The following GABRA3 variants were observed in gnomAD, a reference collection of about 807,000 sequenced individuals.
GABRA3 encodes gamma-aminobutyric acid receptor subunit alpha-3.
In GABRA3, 10 loss-of-function variants were observed where a neutral mutation model predicts 30.1. The observed-to-expected ratio is 0.33, with a 90% CI of 0.20 to 0.56. The LOEUF is 0.56. Among genes scored for constraint, GABRA3 ranks in the 20% least tolerant of loss-of-function variants. The pLI is 0.89. For synonymous variants in GABRA3, 151 were observed against 146.8 expected (o/e 1.03, Z -0.21); for missense variants, 233 against 392.0 (o/e 0.59, Z 3.42).
intron 3 of GABRA3, among the ~76,000 whole-genome samples, chrX:152,317,042 G>A (rs748117947): frequency 4.5e-5 from 5 of 111,853 alleles, no homozygotes; most frequent in African/African-American, 1.6e-4. Context: ...TGGCCTGCAT[G>A]CTCCACTTAA....
At chrX:152,272,289 C>A (rs898981948) in intron 4 of GABRA3, among the ~76,000 whole-genome samples, 1 of 112,427 alleles carries the variant, frequency 8.9e-6, no homozygotes, top group Non-Finnish European at 1.9e-5. Context: ...GAGCCCACCT[C>A]TTGCATCGGC....
chrX:152,179,335 A>G (rs912337447), intron 9 of GABRA3, among the ~76,000 whole-genome samples: 1 of 110,867 alleles, frequency 9.0e-6, no homozygotes, highest in Non-Finnish European at 1.9e-5. Flanking sequence ...GCAGTTTTCA[A>G]GAATACAGAA....
chrX:152,315,540 G>A (rs180801054), intron 3 of GABRA3, among the ~76,000 whole-genome samples: 17 of 111,414 alleles, frequency 1.5e-4, no homozygotes, highest in Admixed American at 1.4e-3. Flanking sequence ...GTGCAGATTC[G>A]ACAGGTGAGG....
Position 152,364,361 on chromosome X carries a change from A to T in GABRA3, c.140+70T>A. 2.8e-6 allele frequency: 3 copies of T among 1,055,868 alleles called. No homozygotes were observed. The South Asian group carries it at 6.7e-5, about 23-fold the overall frequency. The allele number at this position is 1,055,868 out of a possible 1,213,427, so 87.0% of individuals were successfully genotyped here. A position where few individuals can be genotyped will look rare whatever the true frequency, so the allele number is the denominator to read the frequency against. ...TACTTGGGTTCATCTGGGGGAAAACATCAGAAGTTTTGGTCTGAGGCAAAC... is the reference window on the plus strand; with the variant it reads ...TACTTGGGTTCATCTGGGGGAAAACTTCAGAAGTTTTGGTCTGAGGCAAAC... On this transcript the variant is annotated intron_variant, in intron 2 of 9. Coordinates refer to ENST00000370314, the MANE Select transcript of GABRA3 (RefSeq NM_000808.4).
At chrX:152,184,515 T>C (rs1239220300) in intron 9 of GABRA3, among the ~76,000 whole-genome samples, 1 of 111,465 alleles carries the variant, frequency 9.0e-6, no homozygotes, top group Non-Finnish European at 1.9e-5. Context: ...TGCTGTTTTT[T>C]CCTGGAGAGT....
chrX:152,424,611 C>T (rs987002319), intron 1 of GABRA3, among the ~76,000 whole-genome samples: 1 of 111,203 alleles, frequency 9.0e-6, no homozygotes, highest in African/African-American at 3.3e-5. Flanking sequence ...CAAAACTTAA[C>T]ATTGTACATC....
chrX:152,405,985 G>C (rs1929925580), intron 1 of GABRA3, among the ~76,000 whole-genome samples: 1 of 110,626 alleles, frequency 9.0e-6, no homozygotes, highest in Non-Finnish European at 1.9e-5. Flanking sequence ...CTAATTAATG[G>C]AAAGAGAGGG....
intron 3 of GABRA3, among the ~76,000 whole-genome samples, chrX:152,343,509 A>G (rs778079527): frequency 3.6e-5 from 4 of 109,804 alleles, no homozygotes; most frequent in Non-Finnish European, 7.6e-5. Context: ...TATTTTAGAA[A>G]ATAGCACCAC....
chrX:152,376,460 C>G (rs1929000613), intron 1 of GABRA3, among the ~76,000 whole-genome samples: 1 of 110,891 alleles, frequency 9.0e-6, no homozygotes, highest in Non-Finnish European at 1.9e-5. Context: ...GGTGAACCTT[C>G]CCTATCTTAG....
chrX:152,440,482 CTAGAAA>C (rs1930896202), intron 1 of GABRA3, among the ~76,000 whole-genome samples: 1 of 112,052 alleles, frequency 8.9e-6, no homozygotes, highest in African/African-American at 3.2e-5. Flanking sequence ...TGATCTCGAA[CTAGAAA>C]TACCATTTGA....
intron 3 of GABRA3, among the ~76,000 whole-genome samples, chrX:152,329,170 C>T (rs1002400177): frequency 1.8e-5 from 2 of 111,683 alleles, no homozygotes; most frequent in African/African-American, 3.3e-5. Flanking sequence ...AGGAGAACTA[C>T]AAACCACTGC....
At chrX:152,406,571 A>AATAT (rs61577907) in intron 1 of GABRA3, among the ~76,000 whole-genome samples, 18,936 of 95,281 alleles carry the variant, frequency 0.2, 1,909 homozygotes, top group Admixed American at 0.3. Context: ...CTAACACTGG[A>AATAT]ATATATATAT....
intron 3 of GABRA3, among the ~76,000 whole-genome samples, chrX:152,340,317 A>G (rs1940295697): frequency 8.9e-6 from 1 of 112,161 alleles, no homozygotes; most frequent in Admixed American, 9.5e-5. Flanking sequence ...TTCCTTGTAC[A>G]TATATTACAA....
chrX:152,299,836 A>G (rs942417903), intron 3 of GABRA3, among the ~76,000 whole-genome samples: 16 of 111,955 alleles, frequency 1.4e-4, no homozygotes, highest in Admixed American at 5.7e-4. Context: ...AATTTCCTGT[A>G]TGTTATTGTT....
intron 7 of GABRA3, among the ~76,000 whole-genome samples, chrX:152,202,857 T>C (rs756647415): frequency 8.9e-6 from 1 of 112,617 alleles, no homozygotes; most frequent in South Asian, 3.6e-4. Flanking sequence ...GATGTCCAAT[T>C]CATATAGCAG....
In GABRA3 at chrX:152,264,627, G is replaced by A. The variant is rs192505045; in HGVS notation, c.331-8629C>T. Among the ~76,000 whole-genome samples the A allele has an allele frequency of 3.0e-3, 334 of 111,231 alleles. 10 individuals carry two copies. The highest frequency in any genetic ancestry group is 0.024 in the Admixed American group (249 of 10,419). ...CTAGAAAACAAATAACAAAATGGCA[G>A]AAGTAAGTCCTTGCTTACTACTAAT... On this transcript the variant is annotated intron_variant, in intron 4 of 9. Transcript: ENST00000370314.
chrX:152,353,394 AAAG>A (rs1207209437), intron 2 of GABRA3, among the ~76,000 whole-genome samples: 1 of 112,144 alleles, frequency 8.9e-6, no homozygotes, highest in Non-Finnish European at 1.9e-5. Flanking sequence ...CAAAGTTTGC[AAAG>A]AAGCAGGGGT....
intron 1 of GABRA3, among the ~76,000 whole-genome samples, chrX:152,381,097 A>T (rs932415877): frequency 3.6e-5 from 4 of 111,207 alleles, no homozygotes; most frequent in African/African-American, 1.3e-4. Flanking sequence ...TTCCCCTTTG[A>T]CTTTCTCTGT....
chrX:152,181,251 C>G (rs1937142408), intron 9 of GABRA3, among the ~76,000 whole-genome samples: 1 of 111,431 alleles, frequency 9.0e-6, no homozygotes, highest in African/African-American at 3.3e-5. Flanking sequence ...CTGTTATCCT[C>G]TTGGTTAAAT....
Sources: gnomAD v4.1 joint callset for allele counts (sites outside exome capture counted in the v4.1 genomes callset) on GRCh38, gnomAD v4.1.1 for gene constraint, MANE v1.5 for transcripts, NCBI Gene and HGNC (gene_info 2026-07-23, HGNC 2026-07-21) for gene names.